ZMIZ2: variants seen among roughly 807,000 people sequenced by gnomAD.
The protein encoded by ZMIZ2 is zinc finger MIZ-type containing 2.
ZMIZ2 carries 26 observed loss-of-function variants against 93.9 expected under a neutral mutation model. That is an observed-to-expected ratio of 0.28 (90% confidence interval 0.20 to 0.38). ZMIZ2 has a LOEUF of 0.38. Among genes scored for constraint, ZMIZ2 ranks in the 10% least tolerant of loss-of-function variants. The pLI is 1.00. For synonymous variants in ZMIZ2, 485 were observed against 516.4 expected (o/e 0.94, Z 0.82); for missense variants, 1,023 against 1,235.0 (o/e 0.83, Z 2.57).
At position 44,765,706 on chromosome 7, in the gene ZMIZ2, A is replaced by G. The variant is rs1205558729; in HGVS notation, c.2242+127A>G. 1.0e-5 allele frequency: 14 copies of G among 1,388,424 alleles called. No homozygotes were observed. In the Admixed American group the frequency reaches 1.3e-4, roughly 13 times the overall value. 86.0% of individuals were successfully genotyped at this position (1,388,424 alleles called of 1,614,324 possible). A position where few individuals can be genotyped will look rare whatever the true frequency, so the allele number is the denominator to read the frequency against. On this transcript the variant is annotated intron_variant, in intron 16 of 18. Coordinates refer to ENST00000309315, the MANE Select transcript of ZMIZ2 (RefSeq NM_031449.4). This position sits in a 1 kb window ranked among gnomAD's most constrained non-coding sequence, Gnocchi z 4.1. The stretch of plus-strand genomic sequence containing the variant: ...ACACACCTAGGTTATCAGTGTTGCC[A>G]CACAAAACATGCCGCGGGGCACCTC...
intron 11 of ZMIZ2, 76 bp from the exon 12 acceptor site, chr7:44,762,805 C>A: frequency 3.1e-6 from 4 of 1,309,050 alleles, no homozygotes; most frequent in African/African-American, 1.5e-5. Flanking sequence ...ACACACAACC[C>A]CCAGCACACC....
Position 44,766,675 on chromosome 7 carries a change from G to T in ZMIZ2, c.2655+12G>T, listed in dbSNP as rs1791741328. On this transcript the variant is annotated intron_variant, in intron 18 of 18. Transcript: ENST00000309315. The surrounding 1 kb of genome is among the most constrained non-coding windows in gnomAD (Gnocchi z 4.4). ...AACCAGCTCTGGACGTGAGTACCAG[G>T]CCCCATGCGGGGGAGTGCGTGGGAG... 2 of 1,612,244 alleles carry T rather than the reference G, an allele frequency of 1.2e-6. No individual in the cohort carries two copies. Among genetic ancestry groups the T allele is most frequent in the East Asian group, 4.5e-5 (2 of 44,862 alleles).
At chr7:44,764,819 G>T (rs1791538983) in intron 14 of ZMIZ2, 122 bp from the exon 15 acceptor site, 1 of 999,490 alleles carries the variant, frequency 1.0e-6, no homozygotes, top group South Asian at 1.5e-5. Flanking sequence ...ACCTTGTTCA[G>T]TTGCCTCACA....
At chr7:44,750,419 C>A (rs1790036109) in intron 1 of ZMIZ2, among the ~76,000 whole-genome samples, 1 of 152,144 alleles carries the variant, frequency 6.6e-6, no homozygotes, top group African/African-American at 2.4e-5. Flanking sequence ...ACCAAGGACC[C>A]CGCTCCTGCA....
rs775224587 is a variant in ZMIZ2, at chr7:44,761,369, G to T, written c.1241-80G>T. On this transcript the variant is annotated intron_variant, in intron 9 of 18. Coordinates refer to ENST00000309315, the MANE Select transcript of ZMIZ2 (RefSeq NM_031449.4). This position sits in a 1 kb window ranked among gnomAD's most constrained non-coding sequence, Gnocchi z 5.8. Reference sequence around the variant, plus strand: ...AGGTCCCTGCGGGGAAGGTGGCTGGGGAGCCGCTGCCCTCCTTGAGTGACA... The same window carrying T: ...AGGTCCCTGCGGGGAAGGTGGCTGGTGAGCCGCTGCCCTCCTTGAGTGACA... 1.2e-5 allele frequency: 18 copies of T among 1,548,966 alleles called. No individual in the cohort carries two copies. The highest frequency in any genetic ancestry group is 1.8e-4 in the Middle Eastern group (1 of 5,598).
chr7:44,766,248 C>G lies in ZMIZ2; in HGVS notation c.2327C>G (p.Pro776Arg). 1.9e-6 allele frequency: 3 copies of G among 1,602,644 alleles called. No individual in the cohort carries two copies. Among genetic ancestry groups the G allele is most frequent in the Non-Finnish European group, 8.5e-7 (1 of 1,174,084 alleles). Reference protein sequence around the residue: ...PSTPTLAEFTPGPPPISYQSD... With the variant: ...PSTPTLAEFTRGPPPISYQSD... ...ACCCCAACCCTTGCTGAGTTCACCCCGGGACCACCCCCCATCTCCTACCAG... is the reference window on the plus strand; with the variant it reads ...ACCCCAACCCTTGCTGAGTTCACCCGGGGACCACCCCCCATCTCCTACCAG... The change falls in exon 17 of 19, where the codon CCG becomes CGG. Residue 776 changes from proline to arginine, a missense_variant. Physicochemically the swap from Pro to Arg is moderately radical, Grantham distance 103 (BLOSUM62 -2). This residue lies in a region of ZMIZ2 where 319 missense variants were observed against 358.8 expected (regional missense o/e 0.89). Coordinates refer to ENST00000309315, the MANE Select transcript of ZMIZ2 (RefSeq NM_031449.4). This position sits in a 1 kb window ranked among gnomAD's most constrained non-coding sequence, Gnocchi z 4.4.
chr7:44,757,621 A>G (rs1790723167), intron 5 of ZMIZ2, 60 bp downstream of exon 5: 2 of 1,518,808 alleles, frequency 1.3e-6, no homozygotes, highest in Non-Finnish European at 1.8e-6. Flanking sequence ...GGGAGGAGGT[A>G]CTCAGCCAGA....
chr7:44,762,056 C>G (rs939151849), intron 11 of ZMIZ2, 151 bp downstream of exon 11: 2 of 1,042,792 alleles, frequency 1.9e-6, no homozygotes, highest in Non-Finnish European at 2.6e-6. Flanking sequence ...GCGGGCCGGC[C>G]TGCAGCACCA....
chr7:44,759,617 G>C (rs1275882271), intron 7 of ZMIZ2, 157 bp downstream of exon 7: 1 of 177,758 alleles, frequency 5.6e-6, no homozygotes, highest in Non-Finnish European at 1.1e-5. Context: ...AGCTCTACAG[G>C]AGATGGGGGG....
In ZMIZ2 at chr7:44,757,165, C is replaced by T. The variant is rs1471129632; in HGVS notation, c.368+16C>T. The stretch of plus-strand genomic sequence containing the variant: ...TCACCACCGGGTAAGCAAGTTCCCT[C>T]ACCTGGCAGGTATGCTAGGAGCCAT... On this transcript the variant is annotated intron_variant, in intron 4 of 18. Transcript: ENST00000309315. The T allele has an allele frequency of 1.3e-6, 2 of 1,589,556 alleles. No homozygotes were observed. The highest frequency in any genetic ancestry group is 2.2e-5 in the East Asian group (1 of 44,530).
chr7:44,766,663 C>T lies in ZMIZ2; in HGVS notation c.2655C>T (p.Asp885=), dbSNP rs772829069. The change falls in exon 18 of 19, where the codon GAC becomes GAT. Residue 885 remains aspartate (D), a splice_region_variant and synonymous_variant. Transcript: ENST00000309315. This position sits in a 1 kb window ranked among gnomAD's most constrained non-coding sequence, Gnocchi z 4.4. ...GGGAGGCCCCAGAACCAGCTCTGGA[C>T]GTGAGTACCAGGCCCCATGCGGGGG... ...GAGEAPEPAL[D]LLPELTNPDE... The T allele has an allele frequency of 4.7e-5, 75 of 1,612,878 alleles. No homozygotes were observed. Among genetic ancestry groups the T allele is most frequent in the East Asian group, 2.5e-4 (11 of 44,884 alleles).
In ZMIZ2 at chr7:44,766,377, G is replaced by A. The variant is rs553552515; in HGVS notation, c.2412+44G>A. 1.3e-5 allele frequency: 21 copies of A among 1,611,546 alleles called. No individual in the cohort carries two copies. The South Asian group carries it at 2.1e-4, about 16-fold the overall frequency. On this transcript the variant is annotated intron_variant, in intron 17 of 18. Coordinates refer to ENST00000309315, the MANE Select transcript of ZMIZ2 (RefSeq NM_031449.4). The surrounding 1 kb of genome is among the most constrained non-coding windows in gnomAD (Gnocchi z 4.4). ...GGCCAAGGGGCCCTGTCTCCCCAGG[G>A]GAGCCCCTGAGCTGTTTTAACAAAT...
chr7:44,762,776 C>A, intron 11 of ZMIZ2, 105 bp from the exon 12 acceptor site: 2 of 761,678 alleles, frequency 2.6e-6, no homozygotes, highest in Non-Finnish European at 1.9e-6. Context: ...CTTGTCCCTC[C>A]CCCACCTGGC....
Position 44,767,382 on chromosome 7 carries a change from G to A in ZMIZ2, c.2656-134G>A, listed in dbSNP as rs113837516. ...GGCCTATGGTGGGGCCCCGCACCCG[G>A]CCTGTGTGTGAGGAGGGGCTGCTCA... On this transcript the variant is annotated intron_variant, in intron 18 of 18. Coordinates refer to ENST00000309315, the MANE Select transcript of ZMIZ2 (RefSeq NM_031449.4). The A allele has an allele frequency of 3.2e-3, 2,572 of 792,572 alleles. 43 individuals carry two copies. The African/African-American group carries it at 0.035, about 11-fold the overall frequency. 49.1% of individuals were successfully genotyped at this position (792,572 alleles called of 1,614,324 possible). A position where few individuals can be genotyped will look rare whatever the true frequency, so the allele number is the denominator to read the frequency against.
Position 44,757,347 on chromosome 7 carries a change from A to G in ZMIZ2, c.369-31A>G, listed in dbSNP as rs148462681. On this transcript the variant is annotated intron_variant, in intron 4 of 18. Transcript: ENST00000309315. ...AGTCCTGGCCCTCATGAGCCCACGC[A>G]GAGAGCGTGGCAATCCTGTGTCTCC... is the stretch of plus-strand genomic sequence containing the variant. 7.0e-5 allele frequency: 111 copies of G among 1,588,616 alleles called. No homozygotes were observed. The African/African-American group carries it at 1.4e-3, about 20-fold the overall frequency.
At chr7:44,764,175 C>G (rs1791468866) in intron 13 of ZMIZ2, among the ~76,000 whole-genome samples, 1 of 152,112 alleles carries the variant, frequency 6.6e-6, no homozygotes, top group Non-Finnish European at 1.5e-5. Flanking sequence ...GGAAGTGGGT[C>G]CCAGTCAGCA....
chr7:44,763,445 T>TTGC lies in ZMIZ2; in HGVS notation c.1860+40_1860+42dup. 1 of 1,611,032 alleles carries TTGC rather than the reference T, an allele frequency of 6.2e-7. No homozygotes were observed. The highest frequency in any genetic ancestry group is 8.5e-7 in the Non-Finnish European group (1 of 1,177,834). On this transcript the variant is annotated intron_variant, in intron 13 of 18. Transcript: ENST00000309315. This position sits in a 1 kb window ranked among gnomAD's most constrained non-coding sequence, Gnocchi z 5.6. ...GGTTACTGCAGAGTCTTGCCGGAAT[T>TTGC]TGCTGCTGCTAAAATATCTTGAGTC...
rs775224587 is a variant in ZMIZ2, at chr7:44,761,369, G to A, written c.1241-80G>A. On this transcript the variant is annotated intron_variant, in intron 9 of 18. Transcript: ENST00000309315. The surrounding 1 kb of genome is among the most constrained non-coding windows in gnomAD (Gnocchi z 5.8). ...AGGTCCCTGCGGGGAAGGTGGCTGG[G>A]GAGCCGCTGCCCTCCTTGAGTGACA... 15 of 1,548,964 alleles carry A rather than the reference G, an allele frequency of 9.7e-6. No individual in the cohort carries two copies. The highest frequency in any genetic ancestry group is 1.2e-5 in the Non-Finnish European group (14 of 1,153,250).
In ZMIZ2 at chr7:44,757,554, A is replaced by G. The variant is rs1281158758; in HGVS notation, c.545A>G (p.Tyr182Cys). 1 of 1,597,922 alleles carries G rather than the reference A, an allele frequency of 6.3e-7. No individual in the cohort carries two copies. The highest frequency in any genetic ancestry group is 8.5e-7 in the Non-Finnish European group (1 of 1,170,626). ...AAGCAGAGCCAGGAGCTGAGCCAGT[A>G]TGGAGCGGTGAGCCCCCTCAGCAGC... The part of the protein sequence containing the change: ...QEKQSQELSQ[Y>C]GAMGAGQSFN... The change falls in exon 5 of 19, where the codon TAT becomes TGT. Residue 182 changes from tyrosine to cysteine, a missense_variant. By Grantham distance (194) the Tyr-to-Cys change is radical. Transcript: ENST00000309315.
Sources: allele counts gnomAD v4.1 joint callset (sites outside exome capture counted in the v4.1 genomes callset), GRCh38; gene constraint gnomAD v4.1.1; regional missense constraint gnomAD v4.1.1; non-coding constraint Gnocchi (gnomAD v3.1); transcripts MANE v1.5; gene names NCBI Gene and HGNC (gene_info 2026-07-23, HGNC 2026-07-21).